The following CSMD1 variants were observed in gnomAD, a reference collection of about 807,000 sequenced individuals.
The protein encoded by CSMD1 is CUB and sushi domain-containing protein 1.
A neutral mutation model predicts 417.5 loss-of-function variants in CSMD1; 213 were observed. The ratio of observed to expected loss-of-function variants is 0.51; its 90% CI spans 0.46 to 0.57. CSMD1 has a LOEUF of 0.57. CSMD1 is among the 20% of genes least tolerant of loss of function. CSMD1 has a pLI of 0.00. For synonymous variants in CSMD1, 2,862 were observed against 1,736.8 expected (o/e 1.65, Z -16.11); for missense variants, 6,923 against 4,529.7 (o/e 1.53, Z -15.17).
At chr8:4,284,532 G>A (rs958739065) in intron 3 of CSMD1, among the ~76,000 whole-genome samples, 11 of 152,066 alleles carry the variant, frequency 7.2e-5, no homozygotes, top group African/African-American at 2.2e-4. Context: ...AGGTTCTTGC[G>A]CGACACACTT....
At chr8:4,990,855 G>T (rs1210432580) in intron 1 of CSMD1, among the ~76,000 whole-genome samples, 1 of 152,162 alleles carries the variant, frequency 6.6e-6, no homozygotes, top group East Asian at 1.9e-4. Flanking sequence ...AACCATGCAG[G>T]TATGGGAGGG....
chr8:4,313,073 T>C (rs376755706), intron 3 of CSMD1, among the ~76,000 whole-genome samples: 4 of 152,182 alleles, frequency 2.6e-5, no homozygotes, highest in East Asian at 1.9e-4. Flanking sequence ...AGTCCCATGA[T>C]AGCCATAGAG....
intron 1 of CSMD1, among the ~76,000 whole-genome samples, chr8:4,894,616 A>C (rs1563696799): frequency 6.6e-6 from 1 of 151,692 alleles, no homozygotes. Context: ...TATTCTATCC[A>C]CCCATTATCA....
chr8:4,128,956 G>T (rs1411044982), intron 3 of CSMD1, among the ~76,000 whole-genome samples: 1 of 151,444 alleles, frequency 6.6e-6, no homozygotes, highest in Non-Finnish European at 1.5e-5. Flanking sequence ...TGTGCCTGTA[G>T]TCCCAGCTAC....
At chr8:3,730,200 A>C (rs1802761593) in intron 6 of CSMD1, among the ~76,000 whole-genome samples, 1 of 152,124 alleles carries the variant, frequency 6.6e-6, no homozygotes, top group Non-Finnish European at 1.5e-5. Flanking sequence ...AGGTAGGCAG[A>C]GAATGAGGCT....
intron 1 of CSMD1, among the ~76,000 whole-genome samples, chr8:4,731,329 C>T (rs981985206): frequency 7.2e-5 from 11 of 152,130 alleles, no homozygotes; most frequent in African/African-American, 2.7e-4. Context: ...TTGCTCCCAC[C>T]TCATAAGCTT....
intron 2 of CSMD1, among the ~76,000 whole-genome samples, chr8:4,570,279 C>A (rs1477962128): frequency 6.6e-6 from 1 of 152,178 alleles, no homozygotes; most frequent in Admixed American, 6.5e-5. Flanking sequence ...GTGGGTTTGT[C>A]ATACACAGCT....
chr8:4,688,426 G>A (rs117559672), intron 1 of CSMD1, among the ~76,000 whole-genome samples: 1 of 152,108 alleles, frequency 6.6e-6, no homozygotes, highest in Non-Finnish European at 1.5e-5. Flanking sequence ...ACCAAACCAA[G>A]AAGGGTGAGC....
intron 48 of CSMD1, among the ~76,000 whole-genome samples, chr8:3,090,478 T>C (rs927622306): frequency 6.6e-6 from 1 of 152,186 alleles, no homozygotes; most frequent in Admixed American, 6.5e-5. Flanking sequence ...TTCTTGCCTG[T>C]TATCCTCACA....
chr8:3,106,365 T>A (rs1161418356), intron 46 of CSMD1, among the ~76,000 whole-genome samples, 163 bp downstream of exon 46: 1 of 152,112 alleles, frequency 6.6e-6, no homozygotes, highest in Non-Finnish European at 1.5e-5. Context: ...ACCACTGTAC[T>A]CCCACCTGGG....
At chr8:3,213,370 A>C (rs1304214883) in intron 30 of CSMD1, among the ~76,000 whole-genome samples, 1 of 152,124 alleles carries the variant, frequency 6.6e-6, no homozygotes, top group Non-Finnish European at 1.5e-5. Context: ...CCACAGCCTG[A>C]GGAGTGTTTG....
chr8:4,475,987 CAT>C, intron 2 of CSMD1, among the ~76,000 whole-genome samples: 1 of 152,048 alleles, frequency 6.6e-6, no homozygotes. Context: ...TTTGCACAGT[CAT>C]ATCTTTCATT....
intron 3 of CSMD1, among the ~76,000 whole-genome samples, chr8:4,108,577 C>T (rs1380198865): frequency 6.6e-6 from 1 of 152,160 alleles, no homozygotes; most frequent in African/African-American, 2.4e-5. Context: ...ATATGCCATC[C>T]CTTTAGATTT....
rs569409793 is a variant in CSMD1 at position 4,939,602 on chromosome 8, A to G, written c.85+54730T>C. Among the ~76,000 whole-genome samples the G allele has an allele frequency of 4.0e-5, 6 of 150,268 alleles. No homozygotes were observed. The East Asian group carries it at 1.3e-3, about 31-fold the overall frequency. On this transcript the variant is annotated intron_variant, in intron 1 of 69. Transcript: ENST00000635120. Reference sequence around the variant, plus strand: ...GTAGAATCTAAAATAGTTGAACTCAATGAAGCCGAGAGTAGAACGGCCATT... The same window carrying G: ...GTAGAATCTAAAATAGTTGAACTCAGTGAAGCCGAGAGTAGAACGGCCATT...
At chr8:4,978,317 C>G (rs1345648073) in intron 1 of CSMD1, among the ~76,000 whole-genome samples, 1 of 152,070 alleles carries the variant, frequency 6.6e-6, no homozygotes, top group Non-Finnish European at 1.5e-5. Flanking sequence ...TAATTTGAGT[C>G]AGGACACTCT....
At chr8:3,768,385 G>C (rs981294256) in intron 5 of CSMD1, among the ~76,000 whole-genome samples, 2 of 152,124 alleles carry the variant, frequency 1.3e-5, no homozygotes, top group African/African-American at 2.4e-5. Context: ...AGCCTTTAAG[G>C]AGTAACATTC....
In CSMD1 at chr8:3,288,055, G is replaced by C. The variant is rs987142046; in HGVS notation, c.3951-3709C>G. Reference sequence around the variant, plus strand: ...CAAAGGCCTTTTCTGCATCTATTGAGATAATCATGTGGTTTTTGTCTTTGG... The same window carrying C: ...CAAAGGCCTTTTCTGCATCTATTGACATAATCATGTGGTTTTTGTCTTTGG... On this transcript the variant is annotated intron_variant, in intron 25 of 69. Coordinates refer to ENST00000635120, the MANE Select transcript of CSMD1 (RefSeq NM_033225.6). 4.1e-5 allele frequency among the ~76,000 whole-genome samples: 6 copies of C among 146,830 alleles called. 2 individuals carry two copies. Among genetic ancestry groups the C allele is most frequent in the African/African-American group, 1.6e-4 (6 of 36,834 alleles).
At chr8:3,038,007 G>C (rs2128981880) in intron 50 of CSMD1, among the ~76,000 whole-genome samples, 1 of 152,156 alleles carries the variant, frequency 6.6e-6, no homozygotes, top group Non-Finnish European at 1.5e-5. Flanking sequence ...AGAAAATCGG[G>C]CATCTATATT....
intron 3 of CSMD1, among the ~76,000 whole-genome samples, chr8:4,159,692 C>A (rs1797037784): frequency 6.6e-6 from 1 of 152,060 alleles, no homozygotes; most frequent in African/African-American, 2.4e-5. Context: ...GGGTTCACGC[C>A]ATTCTCCTGC....
Sources: allele counts gnomAD v4.1 joint callset (sites outside exome capture counted in the v4.1 genomes callset), GRCh38; gene constraint gnomAD v4.1.1; transcripts MANE v1.5; gene names NCBI Gene and HGNC (gene_info 2026-07-23, HGNC 2026-07-21).